Variants in ZC3H13 observed in about 807,000 individuals in gnomAD.
ZC3H13 encodes the protein zinc finger CCCH-type containing 13.
In ZC3H13, 64 loss-of-function variants were observed where a neutral mutation model predicts 204.1. That is an observed-to-expected ratio of 0.31 (90% CI 0.26 to 0.39). The LOEUF (loss-of-function observed/expected upper bound fraction) is 0.39. Among genes scored for constraint, ZC3H13 ranks in the 10% least tolerant of loss-of-function variants. ZC3H13 has a pLI of 1.00. For missense variants in ZC3H13, 1,833 were observed against 2,082.7 expected (o/e 0.88, Z 2.33); for synonymous variants, 667 against 693.7 (o/e 0.96, Z 0.60).
chr13:46,033,846 A>G (rs2043046928), intron 4 of ZC3H13, among the ~76,000 whole-genome samples: 1 of 152,088 alleles, frequency 6.6e-6, no homozygotes, highest in Non-Finnish European at 1.5e-5. Context: ...AAGTTGAAAG[A>G]CATTTTGAAA....
At chr13:46,052,274 T>G (rs2044513963) in intron 1 of ZC3H13, 130 bp downstream of exon 1, 3 of 351,194 alleles carry the variant, frequency 8.5e-6, no homozygotes, top group African/African-American at 2.2e-5. Flanking sequence ...GAGTTAAGGG[T>G]GGGATGCTCA....
intron 17 of ZC3H13, among the ~76,000 whole-genome samples, chr13:45,961,551 G>A (rs1224368001): frequency 7.3e-6 from 1 of 136,190 alleles, no homozygotes; most frequent in Non-Finnish European, 1.6e-5. Context: ...AGTGGGGGTG[G>A]GGAGATGTGG....
chr13:46,039,723 G>A (rs867693012), intron 4 of ZC3H13, among the ~76,000 whole-genome samples: 1 of 152,228 alleles, frequency 6.6e-6, no homozygotes, highest in Middle Eastern at 3.4e-3. Context: ...AAGATAATAA[G>A]TACTCAGAAC....
chr13:46,036,259 A>G (rs1969909), intron 4 of ZC3H13, among the ~76,000 whole-genome samples: 2,262 of 152,320 alleles, frequency 0.015, 20 homozygotes, highest in South Asian at 0.053. Flanking sequence ...AGGAGGTACA[A>G]TTTCCAGAGA....
At position 45,989,080 on chromosome 13, in the gene ZC3H13, C is replaced by T; in HGVS notation, c.962G>A (p.Gly321Glu). 3.1e-6 allele frequency: 5 copies of T among 1,613,436 alleles called. No individual in the cohort carries two copies. The highest frequency in any genetic ancestry group is 1.7e-4 in the Middle Eastern group (1 of 6,060). ...AGAAGATATAGGAGAATGATGCTGT[C>T]CTGCTGGGGAAGTAGACCTACAAGG... Reference protein sequence around the residue: ...RDKPRSTSPAGQHHSPISSRH... With the variant: ...RDKPRSTSPAEQHHSPISSRH... Residue 321 changes from glycine (G) to glutamate (E), a missense_variant, in exon 9 of 19, where the codon GGA (glycine) becomes GAA (glutamate). Physicochemically the swap from Gly to Glu is moderately conservative, Grantham distance 98. Coordinates refer to ENST00000679008, the MANE Select transcript of ZC3H13 (RefSeq NM_001330564.2).
At position 45,957,029 on chromosome 13, in the gene ZC3H13, G is replaced by A. The variant is rs1245972436; in HGVS notation, c.*98C>T. 9 of 1,087,734 alleles carry A rather than the reference G, an allele frequency of 8.3e-6. No homozygotes were observed. In the African/African-American group the frequency reaches 9.7e-5, roughly 12 times the overall value. 67.4% of individuals were successfully genotyped at this position (1,087,734 alleles called of 1,614,324 possible). On this transcript the variant is annotated 3_prime_UTR_variant, in exon 19 of 19. Coordinates refer to ENST00000679008, the MANE Select transcript of ZC3H13 (RefSeq NM_001330564.2). ...TTAGCATGGCTGATAAATCTTTTCT[G>A]CCTTTGTCACTAATGCTTGTCAAAC...
chr13:46,046,502 C>CAAAAAA (rs1289336036), intron 1 of ZC3H13, among the ~76,000 whole-genome samples: 46 of 125,656 alleles, frequency 3.7e-4, no homozygotes, highest in African/African-American at 1.3e-3. Flanking sequence ...ACTAAAAATA[C>CAAAAAA]AAAAAAAAAA....
intron 8 of ZC3H13, 96 bp from the exon 9 acceptor site, chr13:45,989,193 A>C (rs759962061): frequency 1.5e-5 from 18 of 1,180,318 alleles, no homozygotes; most frequent in Non-Finnish European, 2.1e-5. Context: ...ATATGAAAGT[A>C]TAGACAATAA....
chr13:45,986,735 T>C (rs936870487), intron 9 of ZC3H13, among the ~76,000 whole-genome samples: 2 of 152,238 alleles, frequency 1.3e-5, no homozygotes, highest in African/African-American at 4.8e-5. Context: ...GGTGCTCTTA[T>C]ACTCTGGAAT....
chr13:45,962,636 A>T, intron 17 of ZC3H13: 1 of 982,274 alleles, frequency 1.0e-6, no homozygotes, highest in South Asian at 4.7e-5. Context: ...GGGCTATATT[A>T]AAATAAAAAA....
At chr13:46,047,524 C>A (rs1174992131) in intron 1 of ZC3H13, among the ~76,000 whole-genome samples, 1 of 152,146 alleles carries the variant, frequency 6.6e-6, no homozygotes, top group Non-Finnish European at 1.5e-5. Context: ...TTTTCTTAGA[C>A]TCATTCTCAG....
At position 46,049,148 on chromosome 13, in the gene ZC3H13, C is replaced by T. The variant is rs1270850751; in HGVS notation, c.-10+3256G>A. 5.9e-4 allele frequency among the ~76,000 whole-genome samples: 71 copies of T among 120,618 alleles called. No homozygotes were observed. In the Admixed American group the frequency reaches 6.1e-3, roughly 10 times the overall value. 79.1% of individuals were successfully genotyped at this position (120,618 alleles called of 152,430 possible). Reference sequence around the variant, plus strand: ...ACCTGGCAACAGAGGGAGACTCCGTCTCAAAAAAAAAAAAAAAAAAGATGT... The same window carrying T: ...ACCTGGCAACAGAGGGAGACTCCGTTTCAAAAAAAAAAAAAAAAAAGATGT... On this transcript the variant is annotated intron_variant, in intron 1 of 18. Transcript: ENST00000679008.
intron 8 of ZC3H13, among the ~76,000 whole-genome samples, chr13:46,000,756 C>A (rs1052625199): frequency 1.2e-4 from 19 of 152,198 alleles, no homozygotes; most frequent in Non-Finnish European, 2.2e-4. Context: ...CTGACTGGCA[C>A]AAGAGATCTA....
rs556196237 is a variant in ZC3H13, at chr13:45,994,174, A to C, written c.945-5077T>G. On this transcript the variant is annotated intron_variant, in intron 8 of 18. Coordinates refer to ENST00000679008, the MANE Select transcript of ZC3H13 (RefSeq NM_001330564.2). ...TTTTCTCTTCCTTATGATTTTCTTA[A>C]CATTTTCTTTTCTCTAGCTTACTTT... Among the ~76,000 whole-genome samples the C allele has an allele frequency of 2.6e-5, 4 of 152,350 alleles. No individual in the cohort carries two copies. In the South Asian group the frequency reaches 8.3e-4, roughly 32 times the overall value.
At chr13:46,004,828 ATT>A (rs944932168) in intron 7 of ZC3H13, among the ~76,000 whole-genome samples, 3 of 152,030 alleles carry the variant, frequency 2.0e-5, no homozygotes, top group Non-Finnish European at 4.4e-5. Context: ...TGCCTTTCAC[ATT>A]TGTCTTTAAT....
chr13:45,985,265 G>GAT (rs765423497), intron 10 of ZC3H13, 32 bp downstream of exon 10: 1 of 1,533,500 alleles, frequency 6.5e-7, no homozygotes, highest in Non-Finnish European at 8.8e-7. Context: ...TTCTATATAA[G>GAT]ATATAGTTCA....
At chr13:45,993,214 A>G (rs1444135212) in intron 8 of ZC3H13, among the ~76,000 whole-genome samples, 2 of 152,210 alleles carry the variant, frequency 1.3e-5, no homozygotes, top group Non-Finnish European at 2.9e-5. Context: ...TAGGTCCAAA[A>G]AAACACAAAA....
chr13:46,049,374 TGAAAAAA>T (rs2044242407), intron 1 of ZC3H13, among the ~76,000 whole-genome samples: 1 of 151,900 alleles, frequency 6.6e-6, no homozygotes, highest in African/African-American at 2.4e-5. Context: ...AAACGTCTGG[TGAAAAAA>T]GAAAAAAGCA....
intron 8 of ZC3H13, among the ~76,000 whole-genome samples, chr13:46,002,555 T>C (rs1471489147): frequency 6.6e-6 from 1 of 152,166 alleles, no homozygotes; most frequent in Non-Finnish European, 1.5e-5. Flanking sequence ...AAATAAAATG[T>C]GGCATATACA....
Sources: gnomAD v4.1 joint callset for allele counts (sites outside exome capture counted in the v4.1 genomes callset) on GRCh38, gnomAD v4.1.1 for gene constraint, MANE v1.5 for transcripts, NCBI Gene and HGNC (gene_info 2026-07-23, HGNC 2026-07-21) for gene names.